The following CTNNA1 variants were observed in gnomAD, a reference collection of about 807,000 sequenced individuals.
CTNNA1 encodes catenin alpha-1.
In CTNNA1, 37 loss-of-function variants were observed where a neutral mutation model predicts 98.4. The ratio of observed to expected loss-of-function variants is 0.38; its 90% CI spans 0.29 to 0.49. The LOEUF is 0.49. CTNNA1 is among the 20% of genes least tolerant of loss of function. The pLI, the probability that CTNNA1 is intolerant of heterozygous loss-of-function variation, is 0.95. For synonymous variants in CTNNA1, 404 were observed against 413.2 expected (o/e 0.98, Z 0.27); for missense variants, 761 against 1,147.2 (o/e 0.66, Z 4.86).
chr5:138,928,631 AG>A (rs1764636552), intron 13 of CTNNA1, among the ~76,000 whole-genome samples: 1 of 152,204 alleles, frequency 6.6e-6, no homozygotes, highest in Non-Finnish European at 1.5e-5. Context: ...GAAGTAAATT[AG>A]GAAGTAAAAA....
chr5:138,876,116 CA>C (rs1364063532), intron 7 of CTNNA1, among the ~76,000 whole-genome samples: 3 of 152,286 alleles, frequency 2.0e-5, no homozygotes, highest in African/African-American at 7.2e-5. Flanking sequence ...GCCCTAACAG[CA>C]AAGCAGAGAT....
At chr5:138,868,446 A>G (rs1467089597) in intron 7 of CTNNA1, among the ~76,000 whole-genome samples, 17 of 152,108 alleles carry the variant, frequency 1.1e-4, no homozygotes, top group Admixed American at 1.0e-3. Context: ...CCTCCCTCCT[A>G]GGAGTGGCAT....
intron 7 of CTNNA1, among the ~76,000 whole-genome samples, chr5:138,835,570 G>T (rs1761699707): frequency 6.6e-6 from 1 of 152,172 alleles, no homozygotes; most frequent in South Asian, 2.1e-4. Context: ...TGCATTGAAT[G>T]CAAAATTTGA....
chr5:138,824,554 G>T lies in CTNNA1; in HGVS notation c.613G>T (p.Asp205Tyr). The part of the protein sequence containing the change: ...QQELKDVGHR[D>Y]QMAAARGILQ... ...GGAATTGAAAGATGTTGGCCATCGTGATCAGATGGCTGCAGCTAGAGGAAT... is the reference window on the plus strand; with the variant it reads ...GGAATTGAAAGATGTTGGCCATCGTTATCAGATGGCTGCAGCTAGAGGAAT... The change falls in exon 6 of 18, where the codon GAT becomes TAT. Residue 205 changes from aspartate (D) to tyrosine (Y), a missense_variant. Coordinates refer to ENST00000302763, the MANE Select transcript of CTNNA1 (RefSeq NM_001903.5). 6.2e-7 allele frequency: 1 copy of T among 1,614,100 alleles called. No individual in the cohort carries two copies. The highest frequency in any genetic ancestry group is 8.5e-7 in the Non-Finnish European group (1 of 1,179,968).
Position 138,853,264 on chromosome 5 carries a change from T to G in CTNNA1, c.1062+25546T>G, listed in dbSNP as rs151125137. ...CACCCGGCCTGCTCATTATTAAAGT[T>G]GCATTTCCCTTGACCACTGTTGAAT... On this transcript the variant is annotated intron_variant, in intron 7 of 17. Coordinates refer to ENST00000302763, the MANE Select transcript of CTNNA1 (RefSeq NM_001903.5). Among the ~76,000 whole-genome samples the G allele has an allele frequency of 5.9e-4, 90 of 152,302 alleles. No homozygotes were observed. The East Asian group carries it at 0.017, about 29-fold the overall frequency.
intron 1 of CTNNA1, among the ~76,000 whole-genome samples, chr5:138,779,753 T>C (rs951355340): frequency 6.6e-6 from 1 of 151,550 alleles, no homozygotes; most frequent in Non-Finnish European, 1.5e-5. Flanking sequence ...GCTTGCTCTG[T>C]TGCCCAGGCT....
intron 3 of CTNNA1, among the ~76,000 whole-genome samples, chr5:138,806,156 C>A (rs1318815702): frequency 6.6e-6 from 1 of 152,184 alleles, no homozygotes; most frequent in African/African-American, 2.4e-5. Context: ...TGAATATTCT[C>A]GGCACTCTTG....
At chr5:138,915,116 C>T (rs1761454398) in intron 10 of CTNNA1, among the ~76,000 whole-genome samples, 1 of 152,016 alleles carries the variant, frequency 6.6e-6, no homozygotes, top group African/African-American at 2.4e-5. Context: ...CACTGCACTC[C>T]AGCCTGGGCA....
intron 5 of CTNNA1, among the ~76,000 whole-genome samples, chr5:138,822,954 A>G (rs1011434491): frequency 2.6e-5 from 4 of 152,242 alleles, no homozygotes; most frequent in Non-Finnish European, 5.9e-5. Flanking sequence ...TCAGATGGCT[A>G]ATTGAGTAAT....
intron 7 of CTNNA1, among the ~76,000 whole-genome samples, chr5:138,854,467 C>G (rs1763543394): frequency 6.6e-6 from 1 of 152,200 alleles, no homozygotes; most frequent in Non-Finnish European, 1.5e-5. Context: ...TACACACACT[C>G]TCTTACATAG....
chr5:138,821,407 C>G (rs184523051), intron 5 of CTNNA1, among the ~76,000 whole-genome samples: 1 of 152,206 alleles, frequency 6.6e-6, no homozygotes, highest in Admixed American at 6.5e-5. Flanking sequence ...TATTTATTAC[C>G]TAGTCTATGA....
chr5:138,853,101 G>T (rs1453350681), intron 7 of CTNNA1, among the ~76,000 whole-genome samples: 1 of 150,874 alleles, frequency 6.6e-6, no homozygotes, highest in African/African-American at 2.4e-5. Flanking sequence ...GGCATTATTT[G>T]TTTTAATTTT....
intron 7 of CTNNA1, among the ~76,000 whole-genome samples, chr5:138,884,937 G>T (rs955184529): frequency 2.6e-5 from 4 of 152,098 alleles, no homozygotes; most frequent in Non-Finnish European, 5.9e-5. Context: ...AATTTGATTG[G>T]CAGTACAAGA....
intron 3 of CTNNA1, among the ~76,000 whole-genome samples, chr5:138,792,633 C>G (rs1332378942): frequency 3.3e-5 from 5 of 152,084 alleles, no homozygotes; most frequent in Admixed American, 1.3e-4. Context: ...TTTAATTTGT[C>G]TGATCTGGTT....
At chr5:138,810,536 A>G (rs988833770) in intron 4 of CTNNA1, among the ~76,000 whole-genome samples, 18 of 152,096 alleles carry the variant, frequency 1.2e-4, no homozygotes, top group Admixed American at 2.6e-4. Context: ...TTGTACTTTT[A>G]TTTATTTATT....
At chr5:138,778,311 G>T in intron 1 of CTNNA1, among the ~76,000 whole-genome samples, 1 of 152,116 alleles carries the variant, frequency 6.6e-6, no homozygotes, top group Admixed American at 6.6e-5. Flanking sequence ...CATTTTTCAA[G>T]ACTACAGCCA....
chr5:138,875,179 C>A, intron 7 of CTNNA1: 1 of 366,998 alleles, frequency 2.7e-6, no homozygotes, highest in Non-Finnish European at 4.8e-6. Context: ...TCTAACTGCT[C>A]AGCTGGTTAA....
intron 7 of CTNNA1, chr5:138,869,859 C>A (rs1765175639): frequency 6.6e-6 from 1 of 152,540 alleles, no homozygotes; most frequent in African/African-American, 2.4e-5. Flanking sequence ...AGTATCTTTG[C>A]TTTTTGATGC....
At chr5:138,904,578 A>C in intron 10 of CTNNA1, 137 bp downstream of exon 10, 8 of 1,097,082 alleles carry the variant, frequency 7.3e-6, no homozygotes, top group Non-Finnish European at 1.0e-5. Flanking sequence ...ACTGACACAG[A>C]ACCCACATAG....
Sources: gnomAD v4.1 joint callset for allele counts (sites outside exome capture counted in the v4.1 genomes callset) on GRCh38, gnomAD v4.1.1 for gene constraint, MANE v1.5 for transcripts, NCBI Gene and HGNC (gene_info 2026-07-23, HGNC 2026-07-21) for gene names.